The following FAM151B variants were observed in gnomAD, a reference collection of about 807,000 sequenced individuals.
The protein encoded by FAM151B is protein FAM151B.
A neutral mutation model predicts 31.2 loss-of-function variants in FAM151B; 24 were observed. The ratio of observed to expected loss-of-function variants is 0.77; its 90% CI spans 0.56 to 1.08. FAM151B has a LOEUF of 1.08. Ranked by LOEUF, FAM151B falls within the 50% of genes least tolerant of loss-of-function variation. The pLI is 0.00. For missense variants in FAM151B, 293 were observed against 328.6 expected (o/e 0.89, Z 0.84); for synonymous variants, 105 against 111.4 (o/e 0.94, Z 0.36).
intron 3 of FAM151B, among the ~76,000 whole-genome samples, chr5:80,517,519 AG>A (rs1744508904): frequency 6.6e-6 from 1 of 152,176 alleles, no homozygotes; most frequent in African/African-American, 2.4e-5. Flanking sequence ...AACAACAAAA[AG>A]TTTTTGGTTC....
intron 5 of FAM151B, among the ~76,000 whole-genome samples, chr5:80,537,548 A>C (rs1292843933): frequency 6.6e-6 from 1 of 152,168 alleles, no homozygotes; most frequent in African/African-American, 2.4e-5. Context: ...AGTAGTTGTC[A>C]AAATCGGTGT....
chr5:80,526,659 A>C (rs1467975358), intron 5 of FAM151B, among the ~76,000 whole-genome samples: 1 of 152,140 alleles, frequency 6.6e-6, no homozygotes, highest in Non-Finnish European at 1.5e-5. Flanking sequence ...TGAGTTTTCT[A>C]AGCAAAAAAA....
At chr5:80,537,114 G>A (rs1432298253) in intron 5 of FAM151B, among the ~76,000 whole-genome samples, 1 of 152,190 alleles carries the variant, frequency 6.6e-6, no homozygotes, top group African/African-American at 2.4e-5. Context: ...TCATTACATA[G>A]TACATGCCTA....
At chr5:80,492,752 A>C (rs1437534003) in intron 1 of FAM151B, among the ~76,000 whole-genome samples, 2 of 152,226 alleles carry the variant, frequency 1.3e-5, no homozygotes, top group Non-Finnish European at 2.9e-5. Context: ...CGGCAGTTCA[A>C]GACCAGCCTG....
intron 1 of FAM151B, among the ~76,000 whole-genome samples, chr5:80,489,715 G>A (rs942149749): frequency 1.3e-5 from 2 of 152,272 alleles, no homozygotes; most frequent in South Asian, 4.1e-4. Context: ...ACGAGGTCAG[G>A]AGATCAAGAC....
At chr5:80,524,938 AATTT>A (rs1274278321) in intron 5 of FAM151B, among the ~76,000 whole-genome samples, 1 of 152,214 alleles carries the variant, frequency 6.6e-6, no homozygotes, top group Non-Finnish European at 1.5e-5. Context: ...ACATCATAGG[AATTT>A]AATAAATAGT....
intron 5 of FAM151B, among the ~76,000 whole-genome samples, chr5:80,538,476 T>TTCTCTCTCTCTCTCTCTC: frequency 7.7e-6 from 1 of 129,054 alleles, no homozygotes; most frequent in Non-Finnish European, 1.6e-5. Context: ...CTTTCTTTCT[T>TTCTCTCTCTCTCTCTCTC]TCTTTCTTTC....
intron 5 of FAM151B, among the ~76,000 whole-genome samples, chr5:80,541,254 G>A (rs750373636): frequency 1.3e-5 from 2 of 152,216 alleles, no homozygotes; most frequent in Non-Finnish European, 2.9e-5. Flanking sequence ...TATTGTGGAT[G>A]TCAGTGACAT....
chr5:80,488,210 G>A, intron 1 of FAM151B, 62 bp downstream of exon 1: 4 of 1,504,192 alleles, frequency 2.7e-6, no homozygotes, highest in Non-Finnish European at 3.6e-6. Context: ...TCCGCCGGCC[G>A]TACCCTCCCT....
intron 1 of FAM151B, among the ~76,000 whole-genome samples, chr5:80,492,610 C>G (rs909022022): frequency 6.6e-6 from 1 of 152,116 alleles, no homozygotes; most frequent in Non-Finnish European, 1.5e-5. Flanking sequence ...ATAGAATGGG[C>G]TCTAAGTGTT....
intron 5 of FAM151B, among the ~76,000 whole-genome samples, chr5:80,539,469 T>C (rs1378629127): frequency 6.6e-6 from 1 of 152,112 alleles, no homozygotes; most frequent in Non-Finnish European, 1.5e-5. Context: ...TTTTTACTTT[T>C]TGTTTTGTTT....
chr5:80,541,955 G>C lies in FAM151B; in HGVS notation c.*123G>C. ...GTTCCAAGTCATCTAATCAAGAAAC[G>C]TTTATTGTATGCTTACTCTGTGGGC... On this transcript the variant is annotated 3_prime_UTR_variant, in exon 6 of 6. Coordinates refer to ENST00000282226, the MANE Select transcript of FAM151B (RefSeq NM_205548.3). The C allele has an allele frequency of 9.6e-7, 1 of 1,040,756 alleles. No individual in the cohort carries two copies. Among genetic ancestry groups the C allele is most frequent in the Non-Finnish European group, 1.4e-6 (1 of 726,876 alleles). 64.5% of individuals were successfully genotyped at this position (1,040,756 alleles called of 1,614,324 possible).
chr5:80,500,554 G>A (rs1020654263), intron 1 of FAM151B: 17 of 755,556 alleles, frequency 2.3e-5, no homozygotes, highest in Admixed American at 3.4e-5. Flanking sequence ...CAAGGATGGC[G>A]AGAAAAGCTG....
intron 1 of FAM151B, among the ~76,000 whole-genome samples, chr5:80,489,784 G>T (rs1743243098): frequency 6.6e-6 from 1 of 152,146 alleles, no homozygotes; most frequent in Non-Finnish European, 1.5e-5. Flanking sequence ...AATTAGCCGG[G>T]CGTGGTGGCG....
chr5:80,512,194 G>C (rs1267986888), intron 2 of FAM151B, among the ~76,000 whole-genome samples: 1 of 152,168 alleles, frequency 6.6e-6, no homozygotes, highest in African/African-American at 2.4e-5. Context: ...AATTTCTCAA[G>C]ATCACAGTTC....
chr5:80,542,020 AAAG>A lies in FAM151B; in HGVS notation c.*193_*195del, dbSNP rs1745921997. The stretch of plus-strand genomic sequence containing the variant: ...TAGTGCACTTACATAAAAGATTTGG[AAAG>A]AAGAGATTTATTTACACACGTGGCC... On this transcript the variant is annotated 3_prime_UTR_variant, in exon 6 of 6. Coordinates refer to ENST00000282226, the MANE Select transcript of FAM151B (RefSeq NM_205548.3). The A allele has an allele frequency of 1.0e-5, 6 of 586,346 alleles. No homozygotes were observed. In the South Asian group the frequency reaches 1.5e-4, roughly 14 times the overall value. The allele number at this position is 586,346 out of a possible 1,614,324, so 36.3% of individuals were successfully genotyped here. A position where few individuals can be genotyped will look rare whatever the true frequency, so the allele number is the denominator to read the frequency against.
In FAM151B at chr5:80,519,927, T is replaced by G; in HGVS notation, c.535+17T>G. On this transcript the variant is annotated intron_variant, in intron 4 of 5. Transcript: ENST00000282226. Reference sequence around the variant, plus strand: ...TCAATGAAGGTAATAATTCTAATAATGTATTTCTTGGTCAAATTAAAATAT... The same window carrying G: ...TCAATGAAGGTAATAATTCTAATAAGGTATTTCTTGGTCAAATTAAAATAT... 1 of 1,601,954 alleles carries G rather than the reference T, an allele frequency of 6.2e-7. No individual in the cohort carries two copies.
At chr5:80,518,058 C>T (rs930677727) in intron 3 of FAM151B, among the ~76,000 whole-genome samples, 3 of 129,578 alleles carry the variant, frequency 2.3e-5, no homozygotes, top group South Asian at 4.7e-4. Context: ...GGTGACAGGG[C>T]GAAACTCCAT....
chr5:80,508,052 G>T (rs1368544610), intron 2 of FAM151B, among the ~76,000 whole-genome samples: 5 of 152,178 alleles, frequency 3.3e-5, no homozygotes, highest in Non-Finnish European at 1.5e-5. Flanking sequence ...TTTGTGACTG[G>T]CTTCTTCAAT....
Sources: gnomAD v4.1 joint callset for allele counts (sites outside exome capture counted in the v4.1 genomes callset) on GRCh38, gnomAD v4.1.1 for gene constraint, MANE v1.5 for transcripts, NCBI Gene and HGNC (gene_info 2026-07-23, HGNC 2026-07-21) for gene names.